The following NYAP2 variants were observed in gnomAD, a reference collection of about 807,000 sequenced individuals.
NYAP2 encodes neuronal tyrosine-phosphorylated phosphoinositide-3-kinase adaptor 2.
A neutral mutation model predicts 50.4 loss-of-function variants in NYAP2; 23 were observed. That is an observed-to-expected ratio of 0.46 (90% confidence interval 0.33 to 0.65). The LOEUF (loss-of-function observed/expected upper bound fraction) is 0.65, where lower values mean the gene tolerates loss of function less well. Ranked by LOEUF, NYAP2 falls within the 30% of genes least tolerant of loss-of-function variation. NYAP2 has a pLI of 0.02. For synonymous variants in NYAP2, 394 were observed against 365.2 expected (o/e 1.08, Z -0.90); for missense variants, 885 against 861.0 (o/e 1.03, Z -0.35).
intron 4 of NYAP2, among the ~76,000 whole-genome samples, chr2:225,578,228 C>T (rs550332821): frequency 6.6e-6 from 1 of 152,030 alleles, no homozygotes; most frequent in East Asian, 1.9e-4. Flanking sequence ...CCATTGCACC[C>T]CACACTCACA....
intron 6 of NYAP2, among the ~76,000 whole-genome samples, chr2:225,640,174 C>A (rs1353820830): frequency 6.6e-6 from 1 of 152,130 alleles, no homozygotes; most frequent in Non-Finnish European, 1.5e-5. Flanking sequence ...GAACAGGCTG[C>A]CCCAAATAAC....
At chr2:225,485,214 A>G (rs935742242) in intron 3 of NYAP2, among the ~76,000 whole-genome samples, 1 of 152,164 alleles carries the variant, frequency 6.6e-6, no homozygotes, top group Non-Finnish European at 1.5e-5. Context: ...TCCCCTGCAC[A>G]AGCTCTTTTG....
chr2:225,422,070 T>C (rs1695225203), intron 3 of NYAP2, among the ~76,000 whole-genome samples: 1 of 152,188 alleles, frequency 6.6e-6, no homozygotes. Context: ...AATTCCAATA[T>C]TTCTTTTCTT....
intron 5 of NYAP2, among the ~76,000 whole-genome samples, chr2:225,615,631 G>A (rs1312810822): frequency 1.3e-5 from 2 of 152,196 alleles, no homozygotes; most frequent in African/African-American, 4.8e-5. Flanking sequence ...ACTGCCTGGT[G>A]TAGGTACTCC....
intron 4 of NYAP2, among the ~76,000 whole-genome samples, chr2:225,577,940 T>G (rs1692196994): frequency 6.6e-6 from 1 of 151,952 alleles, no homozygotes; most frequent in Non-Finnish European, 1.5e-5. Flanking sequence ...TTAATTTAAT[T>G]TATTATATTT....
intron 3 of NYAP2, among the ~76,000 whole-genome samples, chr2:225,427,535 C>G (rs879911175): frequency 2.4e-4 from 37 of 152,170 alleles, no homozygotes; most frequent in Non-Finnish European, 5.1e-4. Flanking sequence ...CGTCTGTGTC[C>G]TTTCCATCAT....
intron 4 of NYAP2, among the ~76,000 whole-genome samples, chr2:225,574,702 A>G (rs1328459768): frequency 6.6e-6 from 1 of 151,666 alleles, no homozygotes; most frequent in Non-Finnish European, 1.5e-5. Flanking sequence ...GAAAGACAGA[A>G]CTACAAATTG....
At chr2:225,648,149 C>T (rs918639732) in intron 6 of NYAP2, among the ~76,000 whole-genome samples, 5 of 152,102 alleles carry the variant, frequency 3.3e-5, no homozygotes, top group African/African-American at 4.8e-5. Context: ...TACAGGCATC[C>T]GCCACCACGC....
exon 4 of NYAP2, chr2:225,513,592 G>C: frequency 6.3e-7 from 1 of 1,589,124 alleles, no homozygotes. Context: ...AGGGACCCCA[G>C]CACCAAGCTG....
At chr2:225,515,095 A>T (rs1042030907) in intron 4 of NYAP2, among the ~76,000 whole-genome samples, 6 of 152,322 alleles carry the variant, frequency 3.9e-5, no homozygotes, top group African/African-American at 1.2e-4. Context: ...GCCAAAAACA[A>T]CCAATATCTT....
intron 5 of NYAP2, among the ~76,000 whole-genome samples, chr2:225,601,632 T>G (rs1003945434): frequency 5.9e-5 from 9 of 152,206 alleles, no homozygotes; most frequent in African/African-American, 1.9e-4. Context: ...TGATTTTCAT[T>G]TCCCAGTGTT....
intron 4 of NYAP2, among the ~76,000 whole-genome samples, chr2:225,528,124 G>A (rs1325210295): frequency 6.6e-6 from 1 of 152,238 alleles, no homozygotes; most frequent in Non-Finnish European, 1.5e-5. Flanking sequence ...AACTCCAGAG[G>A]GCAGGAATCT....
intron 3 of NYAP2, among the ~76,000 whole-genome samples, chr2:225,492,695 T>G (rs866756168): frequency 6.6e-6 from 1 of 152,126 alleles, no homozygotes; most frequent in African/African-American, 2.4e-5. Context: ...TGTTTACTCA[T>G]GGTGGAAGGC....
At chr2:225,620,934 T>TG (rs902383331) in intron 5 of NYAP2, among the ~76,000 whole-genome samples, 1 of 151,770 alleles carries the variant, frequency 6.6e-6, no homozygotes. Flanking sequence ...GCTAACATGG[T>TG]GAAACCCCAT....
intron 4 of NYAP2, among the ~76,000 whole-genome samples, chr2:225,573,555 A>C (rs951929681): frequency 1.3e-5 from 2 of 151,254 alleles, no homozygotes; most frequent in Non-Finnish European, 2.9e-5. Flanking sequence ...TGGCCCCAAA[A>C]TTTTATTATT....
At chr2:225,622,532 T>C (rs1346036939) in intron 5 of NYAP2, among the ~76,000 whole-genome samples, 2 of 49,126 alleles carry the variant, frequency 4.1e-5, no homozygotes, top group South Asian at 8.4e-4. Context: ...TTTCTTTCTT[T>C]CTTTCTTTCT....
chr2:225,535,365 T>C (rs558229950), intron 4 of NYAP2, among the ~76,000 whole-genome samples: 111 of 152,318 alleles, frequency 7.3e-4, no homozygotes, highest in African/African-American at 2.5e-3. Flanking sequence ...AATTGATAGT[T>C]CCCAAAGATA....
At chr2:225,641,938 C>T (rs555922986) in intron 6 of NYAP2, among the ~76,000 whole-genome samples, 21 of 151,898 alleles carry the variant, frequency 1.4e-4, no homozygotes, top group African/African-American at 3.9e-4. Context: ...TAAAAATCAT[C>T]TTTTAGAGTG....
At chr2:225,543,411 A>G (rs1691510826) in intron 4 of NYAP2, among the ~76,000 whole-genome samples, 1 of 151,740 alleles carries the variant, frequency 6.6e-6, no homozygotes, top group South Asian at 2.1e-4. Flanking sequence ...CTTCTGTTTT[A>G]TGACTGTTTT....
Sources: allele counts gnomAD v4.1 joint callset (sites outside exome capture counted in the v4.1 genomes callset), GRCh38; gene constraint gnomAD v4.1.1; transcripts MANE v1.5; gene names NCBI Gene and HGNC (gene_info 2026-07-23, HGNC 2026-07-21).